Variants in TNS3 observed in about 807,000 individuals in gnomAD.
TNS3 encodes the protein tensin 3.
TNS3 carries 45 observed loss-of-function variants against 140.9 expected under a neutral mutation model. That is an observed-to-expected ratio of 0.32 (90% CI 0.25 to 0.41). The LOEUF (loss-of-function observed/expected upper bound fraction) is 0.41, where lower values mean the gene tolerates loss of function less well. TNS3 is among the 10% of genes least tolerant of loss of function. The pLI is 1.00. For missense variants in TNS3, 1,716 were observed against 1,906.7 expected (o/e 0.90, Z 1.86); for synonymous variants, 815 against 788.4 (o/e 1.03, Z -0.56).
chr7:47,467,237 G>A (rs1200058958), intron 4 of TNS3, among the ~76,000 whole-genome samples: 1 of 152,230 alleles, frequency 6.6e-6, no homozygotes, highest in Non-Finnish European at 1.5e-5. Context: ...GAGGGCCAGA[G>A]AGGACGGGAT....
At chr7:47,466,791 G>A (rs1398137442) in intron 4 of TNS3, among the ~76,000 whole-genome samples, 1 of 152,180 alleles carries the variant, frequency 6.6e-6, no homozygotes, top group Non-Finnish European at 1.5e-5. Flanking sequence ...GTTTGGAAAG[G>A]GCACTATGTT....
At chr7:47,431,591 C>CA (rs1186355853) in intron 8 of TNS3, among the ~76,000 whole-genome samples, 6 of 151,924 alleles carry the variant, frequency 3.9e-5, no homozygotes, top group Non-Finnish European at 8.8e-5. Flanking sequence ...GACTCCGTCT[C>CA]AAAAAACAAA....
Position 47,446,500 on chromosome 7 carries a change from C to T in TNS3, c.-75-4445G>A, listed in dbSNP as rs77342727. On this transcript the variant is annotated intron_variant, in intron 4 of 30. Transcript: ENST00000311160. The stretch of plus-strand genomic sequence containing the variant: ...GTTTTCCAGGGTGAAAAAACCCAGA[C>T]AGCAAAGCCTCCCACCCAGCCTCTG... Among the ~76,000 whole-genome samples the T allele has an allele frequency of 3.4e-4, 51 of 152,162 alleles. No homozygotes were observed. In the East Asian group the frequency reaches 9.3e-3, roughly 28 times the overall value.
chr7:47,493,847 C>G (rs59963679), intron 3 of TNS3, among the ~76,000 whole-genome samples: 9,831 of 150,598 alleles, frequency 0.065, 1,006 homozygotes, highest in African/African-American at 0.22. Flanking sequence ...AAAAAGCTGA[C>G]AAGAAAAGAA....
chr7:47,366,725 C>CCATGTGAATCTGGGCAGGCCA (rs1790726759), intron 17 of TNS3, among the ~76,000 whole-genome samples: 2 of 151,154 alleles, frequency 1.3e-5, no homozygotes, highest in African/African-American at 4.9e-5. Context: ...TATGCAGGTC[C>CCATGTGAATCTGGGCAGGCCA]CATGTGAACC....
At chr7:47,541,487 T>C (rs61226863) in intron 1 of TNS3, among the ~76,000 whole-genome samples, 16,304 of 152,022 alleles carry the variant, frequency 0.11, 2,948 homozygotes, top group African/African-American at 0.37. Flanking sequence ...AGTAAGACAG[T>C]GCTCACAGAA....
rs184723608 is a variant in TNS3 at position 47,373,228 on chromosome 7, C to A, written c.1025-3607G>T. Reference sequence around the variant, plus strand: ...CTTTGAAGATGGGATCCCCATTCCACCATTTACTCTGTGTGTGTTCCTGGT... The same window carrying A: ...CTTTGAAGATGGGATCCCCATTCCAACATTTACTCTGTGTGTGTTCCTGGT... On this transcript the variant is annotated intron_variant, in intron 16 of 30. Transcript: ENST00000311160. 2.3e-3 allele frequency among the ~76,000 whole-genome samples: 344 copies of A among 152,334 alleles called. 6 individuals carry two copies. Among genetic ancestry groups the A allele is most frequent in the Non-Finnish European group, 1.6e-3 (107 of 68,040 alleles).
At chr7:47,393,880 A>G (rs1164778813) in intron 16 of TNS3, among the ~76,000 whole-genome samples, 1 of 151,428 alleles carries the variant, frequency 6.6e-6, no homozygotes, top group African/African-American at 2.4e-5. Context: ...CAGAACTCCT[A>G]TGCACCCACT....
At chr7:47,362,761 C>T (rs1033286968) in intron 17 of TNS3, among the ~76,000 whole-genome samples, 4 of 136,798 alleles carry the variant, frequency 2.9e-5, no homozygotes, top group African/African-American at 5.4e-5. Context: ...CAGTCATCAC[C>T]GTCATCATCA....
intron 3 of TNS3, among the ~76,000 whole-genome samples, chr7:47,488,296 A>G (rs74414430): frequency 3.3e-5 from 5 of 152,322 alleles, no homozygotes; most frequent in East Asian, 3.9e-4. Context: ...CACTGACCCA[A>G]GTGTTTATCT....
intron 1 of TNS3, among the ~76,000 whole-genome samples, chr7:47,554,345 G>A (rs1193656907): frequency 6.6e-6 from 1 of 151,352 alleles, no homozygotes; most frequent in Non-Finnish European, 1.5e-5. Flanking sequence ...TTGAACCCAG[G>A]AGGCAGAGGT....
chr7:47,552,676 C>T (rs1800096197), intron 1 of TNS3, among the ~76,000 whole-genome samples: 1 of 152,154 alleles, frequency 6.6e-6, no homozygotes, highest in Non-Finnish European at 1.5e-5. Flanking sequence ...TGTTCTGATG[C>T]TCTGGACTGC....
chr7:47,571,021 C>T (rs1268755520), intron 1 of TNS3, among the ~76,000 whole-genome samples: 1 of 152,122 alleles, frequency 6.6e-6, no homozygotes, highest in Non-Finnish European at 1.5e-5. Flanking sequence ...CTGGAAGGGA[C>T]ATAGCCTGGG....
At chr7:47,557,472 G>A (rs1486632150) in intron 1 of TNS3, among the ~76,000 whole-genome samples, 1 of 151,944 alleles carries the variant, frequency 6.6e-6, no homozygotes, top group Non-Finnish European at 1.5e-5. Context: ...AATGTGGAAC[G>A]AAAAAAATGG....
intron 18 of TNS3, 116 bp downstream of exon 18, chr7:47,346,071 G>T: frequency 7.4e-7 from 1 of 1,347,886 alleles, no homozygotes; most frequent in Non-Finnish European, 1.0e-6. Context: ...GGGTGCGGAG[G>T]ATAATGTGGG....
chr7:47,435,363 C>T lies in TNS3; in HGVS notation c.243G>A (p.Leu81=). The change falls in exon 8 of 31, where the codon CTG becomes CTA. Residue 81 remains leucine (L), a synonymous_variant. Coordinates refer to ENST00000311160, the MANE Select transcript of TNS3 (RefSeq NM_022748.12). ...VGWPELHAPP[L]DKMCTICKAQ... ...CCTTGCATATGGTACACATCTTATC[C>T]AGGGGCGGTGCGTGGAGCTCTGGCC... 4 of 1,614,108 alleles carry T rather than the reference C, an allele frequency of 2.5e-6. No individual in the cohort carries two copies. In the Middle Eastern group the frequency reaches 4.9e-4, roughly 200 times the overall value.
intron 3 of TNS3, among the ~76,000 whole-genome samples, chr7:47,501,294 C>A (rs1798215083): frequency 6.6e-6 from 1 of 152,068 alleles, no homozygotes; most frequent in Non-Finnish European, 1.5e-5. Context: ...CTAGTGAAGA[C>A]CATATGAAGA....
chr7:47,413,730 G>C (rs574751883), intron 12 of TNS3, among the ~76,000 whole-genome samples: 2 of 152,140 alleles, frequency 1.3e-5, no homozygotes, highest in East Asian at 1.9e-4. Flanking sequence ...AAAGACACTT[G>C]TGCAGGGCAG....
chr7:47,534,543 C>T (rs1799532728), intron 1 of TNS3, among the ~76,000 whole-genome samples: 1 of 152,162 alleles, frequency 6.6e-6, no homozygotes, highest in South Asian at 2.1e-4. Context: ...AATCAGATTA[C>T]CTGGAGGTTG....
Sources: allele counts gnomAD v4.1 joint callset (sites outside exome capture counted in the v4.1 genomes callset), GRCh38; gene constraint gnomAD v4.1.1; transcripts MANE v1.5; gene names NCBI Gene and HGNC (gene_info 2026-07-23, HGNC 2026-07-21).